The following BAG1 variants were observed in gnomAD, a reference collection of about 807,000 sequenced individuals.
BAG1 encodes BAG family molecular chaperone regulator 1.
Under a neutral mutation model 35.5 loss-of-function variants are expected in BAG1, and 35 were observed. The ratio of observed to expected loss-of-function variants is 0.99; its 90% CI spans 0.75 to 1.31. The LOEUF (loss-of-function observed/expected upper bound fraction) is 1.31. Ranked by LOEUF, BAG1 falls within the 50% of genes most tolerant of loss-of-function variation. The probability of loss-of-function intolerance (pLI) is 0.00; values close to 1 mark genes in which losing one functional copy is unlikely to be tolerated. For missense variants in BAG1, 464 were observed against 453.6 expected, an observed-to-expected ratio of 1.02 and a Z score of -0.21; for synonymous variants, 191 against 178.9, an observed-to-expected ratio of 1.07 and a Z score of -0.54.
In BAG1 at chr9:33,264,644, G is replaced by T; in HGVS notation, c.31C>A (p.Arg11=). 2 of 1,345,610 alleles carry T rather than the reference G, an allele frequency of 1.5e-6. No homozygotes were observed. The highest frequency in any genetic ancestry group is 3.1e-5 in the African/African-American group (2 of 65,006). The allele number at this position is 1,345,610 out of a possible 1,614,324, so 83.4% of individuals were successfully genotyped here. Residue 11 remains arginine (R), a synonymous_variant, in exon 1 of 7, where the codon CGA becomes AGA. Coordinates refer to ENST00000634734, the MANE Select transcript of BAG1 (RefSeq NM_004323.6). ...GAACCCAGCCGCTCCCGGTCGCCTC[G>T]CGGTCTCCGCGCCCCCCCGCGCTGA...
Position 33,254,970 on chromosome 9 carries a change from G to A in BAG1, c.*249C>T. 1.4e-6 allele frequency: 2 copies of A among 1,424,534 alleles called. No individual in the cohort carries two copies. The highest frequency in any genetic ancestry group is 1.9e-6 in the Non-Finnish European group (2 of 1,066,926). The allele number at this position is 1,424,534 out of a possible 1,614,324, so 88.2% of individuals were successfully genotyped here. A position where few individuals can be genotyped will look rare whatever the true frequency, so the allele number is the denominator to read the frequency against. Reference sequence around the variant, plus strand: ...AACAGCTGGGAAAATTTGGGCAGAGGTGGCCCTCTCCAGAAAAGGTGGATT... The same window carrying A: ...AACAGCTGGGAAAATTTGGGCAGAGATGGCCCTCTCCAGAAAAGGTGGATT... On this transcript the variant is annotated 3_prime_UTR_variant, in exon 7 of 7. Transcript: ENST00000634734.
chr9:33,262,837 A>C lies in BAG1; in HGVS notation c.452-7T>G. 2 of 1,609,762 alleles carry C rather than the reference A, an allele frequency of 1.2e-6. No homozygotes were observed. Among genetic ancestry groups the C allele is most frequent in the Non-Finnish European group, 1.7e-6 (2 of 1,178,710 alleles). On this transcript the variant is annotated splice_polypyrimidine_tract_variant and splice_region_variant and intron_variant, in intron 1 of 6. Transcript: ENST00000634734. ...AGGTCGTGCTTCTCATTGCCTGGGGAGAAAGAAAAGCATTTGACGAATATG... is the reference window on the plus strand; with the variant it reads ...AGGTCGTGCTTCTCATTGCCTGGGGCGAAAGAAAAGCATTTGACGAATATG...
In BAG1 at chr9:33,255,266, G is replaced by A. The variant is rs897821433; in HGVS notation, c.991C>T (p.Gln331Ter). ...GTAGACTGCAGCCGCTCAGTCTCCTGGCAGATGTTCTGCTCCACTGTGTCA... is the reference window on the plus strand; with the variant it reads ...GTAGACTGCAGCCGCTCAGTCTCCTAGCAGATGTTCTGCTCCACTGTGTCA... The change falls in exon 7 of 7, where the codon CAG (glutamine) becomes TAG (stop). Residue 331 changes from glutamine to a stop codon, truncating the protein, a stop_gained. Coordinates refer to ENST00000634734, the MANE Select transcript of BAG1 (RefSeq NM_004323.6). LOFTEE classifies it high-confidence loss of function. 2 of 1,614,210 alleles carry A rather than the reference G, an allele frequency of 1.2e-6. No homozygotes were observed. The highest frequency in any genetic ancestry group is 2.2e-5 in the South Asian group (2 of 91,088).
At chr9:33,256,999 C>G (rs1387415148) in intron 4 of BAG1, 91 bp from the exon 5 acceptor site, 1 of 934,606 alleles carries the variant, frequency 1.1e-6, no homozygotes, top group Non-Finnish European at 1.7e-6. Flanking sequence ...ACACTGAGCC[C>G]ACCATAGCCC....
At chr9:33,262,953 G>C in intron 1 of BAG1, 123 bp from the exon 2 acceptor site, 5 of 1,370,544 alleles carry the variant, frequency 3.6e-6, no homozygotes, top group Non-Finnish European at 4.9e-6. Context: ...CTACTCCACA[G>C]AGCCTGCCCC....
At chr9:33,260,142 G>A (rs1820538491) in intron 3 of BAG1, 1 of 152,210 alleles carries the variant, frequency 6.6e-6, no homozygotes, top group South Asian at 2.1e-4. Context: ...AACTTGCTGG[G>A]ACAATAGGCA....
intron 2 of BAG1, among the ~76,000 whole-genome samples, chr9:33,261,456 C>T (rs1006332404): frequency 2.6e-5 from 4 of 152,144 alleles, no homozygotes; most frequent in African/African-American, 9.7e-5. Flanking sequence ...ACGAACCACA[C>T]TACAGAAGAC....
intron 1 of BAG1, among the ~76,000 whole-genome samples, chr9:33,263,301 C>A (rs534529586): frequency 1.3e-5 from 2 of 152,310 alleles, no homozygotes; most frequent in African/African-American, 4.8e-5. Flanking sequence ...TTGTATTGGT[C>A]TCGTCTCGCT....
intron 2 of BAG1, chr9:33,262,170 C>CTTCAA (rs1424153780): frequency 7.8e-7 from 1 of 1,289,792 alleles, no homozygotes; most frequent in Admixed American, 2.3e-5. Context: ...CATCATAAGA[C>CTTCAA]TTCAAATCTG....
rs1357640651 is a variant in BAG1, at chr9:33,262,765, G to T, written c.517C>A (p.Leu173Met). The T allele has an allele frequency of 2.2e-5, 36 of 1,614,204 alleles. No individual in the cohort carries two copies. Among genetic ancestry groups the T allele is most frequent in the Non-Finnish European group, 3.0e-5 (35 of 1,180,028 alleles). Residue 173 changes from leucine (L) to methionine (M), a missense_variant, in exon 2 of 7, where the codon CTG becomes ATG. Physicochemically the swap from Leu to Met is conservative, Grantham distance 15. Transcript: ENST00000634734. ...ATGACCTCTTCAACAACCTGGGCCA[G>T]GTCTTGGACAACTGGTTCACTGCTG...
In BAG1 at chr9:33,253,490, C is replaced by T. The variant is rs570495278; in HGVS notation, c.*1729G>A. 1 of 152,344 alleles carries T rather than the reference C, an allele frequency of 6.6e-6. No individual in the cohort carries two copies. Among genetic ancestry groups the T allele is most frequent in the South Asian group, 2.1e-4 (1 of 4,830 alleles). 9.4% of individuals were successfully genotyped at this position (152,344 alleles called of 1,614,324 possible). ...TCTCATTAAATGTTGTGGCCCACGC[C>T]ACACAGCTATCACACAAAAATAGAT... On this transcript the variant is annotated 3_prime_UTR_variant, in exon 7 of 7. Coordinates refer to ENST00000634734, the MANE Select transcript of BAG1 (RefSeq NM_004323.6).
chr9:33,262,663 A>C (rs1820600162), intron 2 of BAG1, 39 bp downstream of exon 2: 1 of 1,556,242 alleles, frequency 6.4e-7, no homozygotes, highest in African/African-American at 1.4e-5. Context: ...GTCTCAAAAA[A>C]AAAAAAAGAA....
chr9:33,261,952 A>C, intron 2 of BAG1: 1 of 985,446 alleles, frequency 1.0e-6, no homozygotes, highest in Non-Finnish European at 1.2e-6. Context: ...CTGGAAACAC[A>C]GCAGTATCTC....
Position 33,253,147 on chromosome 9 carries a change from A to G in BAG1, c.*2072T>C, listed in dbSNP as rs545947398. The stretch of plus-strand genomic sequence containing the variant: ...GGCTGCTCTAAAGAAAATGAACTAG[A>G]GCAGAGAGGAAGTGGGAGCTAGAGG... On this transcript the variant is annotated 3_prime_UTR_variant, in exon 7 of 7. Coordinates refer to ENST00000634734, the MANE Select transcript of BAG1 (RefSeq NM_004323.6). 2.6e-5 allele frequency: 4 copies of G among 152,332 alleles called. No individual in the cohort carries two copies. The highest frequency in any genetic ancestry group is 5.9e-5 in the Non-Finnish European group (4 of 68,098). 9.4% of individuals were successfully genotyped at this position (152,332 alleles called of 1,614,324 possible).
chr9:33,263,308 C>G (rs1381357547), intron 1 of BAG1, among the ~76,000 whole-genome samples: 1 of 152,192 alleles, frequency 6.6e-6, no homozygotes, highest in Non-Finnish European at 1.5e-5. Context: ...GGTCTCGTCT[C>G]GCTTGCTGTA....
intron 4 of BAG1, chr9:33,257,763 G>A (rs377102855): frequency 7.2e-5 from 11 of 152,106 alleles, no homozygotes; most frequent in East Asian, 3.8e-4. Context: ...AAATGCATGC[G>A]AGCTTTGAAA....
At chr9:33,259,640 T>C (rs1182981352) in intron 3 of BAG1, 1 of 152,324 alleles carries the variant, frequency 6.6e-6, no homozygotes, top group Non-Finnish European at 1.5e-5. Context: ...CTCAGCCCTA[T>C]ACTGATCAAC....
intron 1 of BAG1, among the ~76,000 whole-genome samples, 159 bp from the exon 2 acceptor site, chr9:33,262,989 ACCT>A (rs933659835): frequency 4.3e-4 from 66 of 152,312 alleles, no homozygotes; most frequent in Admixed American, 7.8e-4. Flanking sequence ...TCCTCTGGTG[ACCT>A]CCTCAAGTAT....
At chr9:33,258,298 C>CAAAAAAAA (rs10591225) in intron 4 of BAG1, among the ~76,000 whole-genome samples, 16 of 63,340 alleles carry the variant, frequency 2.5e-4, no homozygotes, top group African/African-American at 5.9e-4. Flanking sequence ...GACTCCATAT[C>CAAAAAAAA]AAAAAAAAAA....
Sources: gnomAD v4.1 joint callset for allele counts (sites outside exome capture counted in the v4.1 genomes callset) on GRCh38, gnomAD v4.1.1 for gene constraint, MANE v1.5 for transcripts, NCBI Gene and HGNC (gene_info 2026-07-23, HGNC 2026-07-21) for gene names.